Variants in RBFOX1 observed in about 807,000 individuals in gnomAD.
RBFOX1 encodes RNA binding fox-1 homolog 1.
Under a neutral mutation model 57.7 loss-of-function variants are expected in RBFOX1, and 8 were observed. The observed-to-expected ratio is 0.14, with a 90% confidence interval of 0.08 to 0.25. The LOEUF is 0.25. RBFOX1 is among the 10% of genes least tolerant of loss of function. RBFOX1 has a pLI of 1.00. For missense variants in RBFOX1, 611 were observed against 548.5 expected (o/e 1.11, Z -1.14); for synonymous variants, 326 against 222.4 (o/e 1.47, Z -4.15).
intron 3 of RBFOX1, among the ~76,000 whole-genome samples, chr16:6,943,431 G>C (rs986548171): frequency 1.8e-4 from 27 of 152,136 alleles, no homozygotes; most frequent in Non-Finnish European, 1.5e-5. Context: ...CCTGTGGGCC[G>C]GGCGTGGTGG....
intron 3 of RBFOX1, among the ~76,000 whole-genome samples, chr16:5,654,747 C>T (rs1290137417): frequency 6.6e-6 from 1 of 152,122 alleles, no homozygotes; most frequent in Non-Finnish European, 1.5e-5. Context: ...CAGCCTTTGC[C>T]ATGTTCTCCT....
At chr16:6,076,654 T>C (rs1262874943) in intron 1 of RBFOX1, among the ~76,000 whole-genome samples, 1 of 152,028 alleles carries the variant, frequency 6.6e-6, no homozygotes, top group Non-Finnish European at 1.5e-5. Context: ...TTTTTTGTTA[T>C]GTATAAGGAA....
intron 3 of RBFOX1, among the ~76,000 whole-genome samples, chr16:7,038,286 A>G (rs530689909): frequency 6.6e-6 from 1 of 152,234 alleles, no homozygotes; most frequent in African/African-American, 2.4e-5. Context: ...AGACTGAGCA[A>G]GGGTTTGGGA....
chr16:6,701,500 A>C (rs896344712), intron 3 of RBFOX1, among the ~76,000 whole-genome samples: 1 of 152,222 alleles, frequency 6.6e-6, no homozygotes, highest in Non-Finnish European at 1.5e-5. Flanking sequence ...AGGTTGTACA[A>C]GCATGGCACC....
chr16:5,548,184 T>A (rs866350650), intron 2 of RBFOX1, among the ~76,000 whole-genome samples: 1,891 of 115,574 alleles, frequency 0.016, 74 homozygotes, highest in African/African-American at 0.062. Flanking sequence ...AATATATATA[T>A]ATATATATAT....
Position 7,023,797 on chromosome 16 carries a change from G to T in RBFOX1, c.-15-28260G>T, listed in dbSNP as rs184716174. Among the ~76,000 whole-genome samples, 110 of 152,056 alleles carry T rather than the reference G, an allele frequency of 7.2e-4. 1 individual carries two copies. Among genetic ancestry groups the T allele is most frequent in the Non-Finnish European group, 1.3e-3 (86 of 68,002 alleles). ...TCAAATACAGCCTCGGCATCCTTCT[G>T]AACACTCTGGAGTAGGCTGCCATTT... On this transcript the variant is annotated intron_variant, in intron 3 of 15. Transcript: ENST00000550418.
At chr16:6,919,815 GAAC>G (rs1275156394) in intron 3 of RBFOX1, among the ~76,000 whole-genome samples, 2 of 146,354 alleles carry the variant, frequency 1.4e-5, no homozygotes, top group African/African-American at 5.1e-5. Context: ...AGTTCTGGGA[GAAC>G]AAGTGGTTTT....
chr16:6,354,768 G>C (rs924072811), intron 2 of RBFOX1, among the ~76,000 whole-genome samples: 3 of 152,176 alleles, frequency 2.0e-5, no homozygotes, highest in Non-Finnish European at 4.4e-5. Flanking sequence ...GTAGTCTGGT[G>C]ATGCATCTTC....
intron 4 of RBFOX1, among the ~76,000 whole-genome samples, chr16:6,009,186 C>G (rs1324786403): frequency 1.3e-5 from 2 of 151,872 alleles, no homozygotes; most frequent in Non-Finnish European, 1.5e-5. Context: ...ACAGTGATTC[C>G]AGGTCCAGGA....
intron 14 of RBFOX1, among the ~76,000 whole-genome samples, chr16:7,677,884 C>T (rs891822517): frequency 1.3e-5 from 2 of 152,180 alleles, no homozygotes; most frequent in Non-Finnish European, 2.9e-5. Context: ...GTCCTCCTAC[C>T]TGGCCTGTTG....
chr16:5,878,777 T>C (rs2057687206), intron 4 of RBFOX1, among the ~76,000 whole-genome samples: 1 of 152,206 alleles, frequency 6.6e-6, no homozygotes, highest in Non-Finnish European at 1.5e-5. Context: ...GTGTGGTGTT[T>C]AGATCGTTTC....
chr16:5,860,507 C>G (rs1470142168), intron 3 of RBFOX1, among the ~76,000 whole-genome samples: 5 of 152,138 alleles, frequency 3.3e-5, no homozygotes, highest in Non-Finnish European at 7.4e-5. Flanking sequence ...GTTGCTTGCT[C>G]CCATTTGTCA....
chr16:5,992,621 T>G (rs1008945189), intron 4 of RBFOX1, among the ~76,000 whole-genome samples: 9 of 152,142 alleles, frequency 5.9e-5, no homozygotes, highest in African/African-American at 2.2e-4. Flanking sequence ...GAAACTAATA[T>G]TTTCTGACAG....
At chr16:6,907,258 G>A (rs972205966) in intron 3 of RBFOX1, among the ~76,000 whole-genome samples, 18 of 152,116 alleles carry the variant, frequency 1.2e-4, no homozygotes, top group Non-Finnish European at 2.2e-4. Flanking sequence ...GAAGCAAAGC[G>A]TTTGTAGTGC....
intron 3 of RBFOX1, among the ~76,000 whole-genome samples, chr16:6,753,358 A>C (rs1053921751): frequency 6.6e-6 from 1 of 152,220 alleles, no homozygotes; most frequent in Non-Finnish European, 1.5e-5. Context: ...AATATGGTAC[A>C]AAAGTGAATA....
At chr16:5,764,572 C>G (rs148142001) in intron 3 of RBFOX1, among the ~76,000 whole-genome samples, 1 of 152,094 alleles carries the variant, frequency 6.6e-6, no homozygotes, top group East Asian at 1.9e-4. Context: ...GAAAAGAGAG[C>G]GCAATGGATA....
chr16:5,827,912 T>TCCACCCAC (rs879526216), intron 3 of RBFOX1, among the ~76,000 whole-genome samples: 2,429 of 130,252 alleles, frequency 0.019, 71 homozygotes, highest in African/African-American at 0.071. Flanking sequence ...CATCCATCCA[T>TCCACCCAC]CCATCCACCC....
At chr16:6,166,070 G>T (rs1421703398) in intron 1 of RBFOX1, among the ~76,000 whole-genome samples, 1 of 152,214 alleles carries the variant, frequency 6.6e-6, no homozygotes, top group Non-Finnish European at 1.5e-5. Flanking sequence ...AATTCTCAGA[G>T]TGTAGTCTTT....
At chr16:7,667,674 C>A (rs1330831250) in intron 13 of RBFOX1, among the ~76,000 whole-genome samples, 2 of 107,126 alleles carry the variant, frequency 1.9e-5, no homozygotes, top group Admixed American at 8.8e-5. Context: ...TAGATTTAAA[C>A]CTCTTTTTGT....
Sources: gnomAD v4.1 joint callset for allele counts (sites outside exome capture counted in the v4.1 genomes callset) on GRCh38, gnomAD v4.1.1 for gene constraint, MANE v1.5 for transcripts, NCBI Gene and HGNC (gene_info 2026-07-23, HGNC 2026-07-21) for gene names.